The following SLC29A3 variants were observed in gnomAD, a reference collection of about 807,000 sequenced individuals.
The protein encoded by SLC29A3 is solute carrier family 29 member 3.
SLC29A3 carries 18 observed loss-of-function variants against 25.4 expected under a neutral mutation model. That is an observed-to-expected ratio of 0.71 (90% CI 0.49 to 1.05). The LOEUF (loss-of-function observed/expected upper bound fraction) is 1.05. Ranked by LOEUF, SLC29A3 falls within the 50% of genes least tolerant of loss-of-function variation. SLC29A3 has a pLI of 0.00. For synonymous variants in SLC29A3, 258 were observed against 267.1 expected, an observed-to-expected ratio of 0.97 and a Z score of 0.33; for missense variants, 586 against 609.0, an observed-to-expected ratio of 0.96 and a Z score of 0.40.
intron 1 of SLC29A3, 176 bp downstream of exon 1, chr10:71,319,486 G>A: frequency 2.3e-6 from 1 of 430,562 alleles, no homozygotes; most frequent in Non-Finnish European, 4.1e-6. Context: ...CTTGCTCTCT[G>A]CCACCCCTCT....
intron 3 of SLC29A3, among the ~76,000 whole-genome samples, chr10:71,374,521 G>A (rs965486445): frequency 1.4e-4 from 19 of 135,516 alleles, no homozygotes; most frequent in African/African-American, 4.8e-4. Flanking sequence ...CCATGTTGGG[G>A]TGTGTGTGTG....
chr10:71,329,036 G>A (rs572174467), intron 2 of SLC29A3, among the ~76,000 whole-genome samples: 1 of 152,294 alleles, frequency 6.6e-6, no homozygotes, highest in East Asian at 1.9e-4. Flanking sequence ...GGTTATCAGA[G>A]GTTACCAAGT....
intron 3 of SLC29A3, among the ~76,000 whole-genome samples, chr10:71,347,543 A>C (rs1176995116): frequency 6.6e-6 from 1 of 152,240 alleles, no homozygotes; most frequent in African/African-American, 2.4e-5. Flanking sequence ...TGGAAGCAGC[A>C]GAGAGGGAAG....
chr10:71,347,562 C>G (rs1846625240), intron 3 of SLC29A3, among the ~76,000 whole-genome samples: 1 of 152,230 alleles, frequency 6.6e-6, no homozygotes, highest in Non-Finnish European at 1.5e-5. Flanking sequence ...AGCCAGTGTC[C>G]TCTGTTCATG....
At chr10:71,375,795 A>C (rs944411912) in exon 4 of SLC29A3, 7 of 152,204 alleles carry the variant, frequency 4.6e-5, no homozygotes, top group African/African-American at 1.7e-4. Context: ...AAAGCCAAAC[A>C]GATACTCATG....
intron 2 of SLC29A3, among the ~76,000 whole-genome samples, chr10:71,330,024 A>G (rs1026680181): frequency 1.3e-5 from 2 of 152,162 alleles, no homozygotes; most frequent in African/African-American, 4.8e-5. Context: ...CTACAAATGT[A>G]GGTGGTTGGA....
intron 4 of SLC29A3, among the ~76,000 whole-genome samples, chr10:71,379,306 C>T (rs1404102228): frequency 6.6e-6 from 1 of 152,200 alleles, no homozygotes; most frequent in East Asian, 1.9e-4. Context: ...GAATTAGGCC[C>T]CAGCAGACCA....
At chr10:71,370,596 G>C (rs934110929) in intron 3 of SLC29A3, among the ~76,000 whole-genome samples, 10 of 152,124 alleles carry the variant, frequency 6.6e-5, no homozygotes, top group Admixed American at 4.6e-4. Context: ...GTTCGGAAGT[G>C]CAATCATAGC....
At chr10:71,358,949 C>T (rs1340718216) in intron 5 of SLC29A3, among the ~76,000 whole-genome samples, 9 of 152,092 alleles carry the variant, frequency 5.9e-5, no homozygotes, top group African/African-American at 1.2e-4. Context: ...CTCACTCTGT[C>T]GCCCAGGTTG....
intron 1 of SLC29A3, chr10:71,319,736 G>C (rs1845807170): frequency 5.8e-6 from 1 of 173,698 alleles, no homozygotes; most frequent in African/African-American, 2.4e-5. Context: ...CCACAGGTTA[G>C]CCCTACCAGC....
intron 2 of SLC29A3, among the ~76,000 whole-genome samples, chr10:71,326,510 C>T (rs1215696309): frequency 3.3e-5 from 5 of 152,188 alleles, no homozygotes; most frequent in Non-Finnish European, 5.9e-5. Context: ...TTCTGCCAGC[C>T]GTGGTAAATC....
At chr10:71,369,114 G>A (rs1333629741) in intron 3 of SLC29A3, among the ~76,000 whole-genome samples, 1 of 152,230 alleles carries the variant, frequency 6.6e-6, no homozygotes, top group Non-Finnish European at 1.5e-5. Context: ...CCTGTGCCGT[G>A]TGAGAACACA....
At chr10:71,372,929 A>G (rs1442145781) in intron 3 of SLC29A3, among the ~76,000 whole-genome samples, 1 of 152,072 alleles carries the variant, frequency 6.6e-6, no homozygotes, top group East Asian at 1.9e-4. Flanking sequence ...CGGGGGCGAG[A>G]CAGTGAGGCT....
chr10:71,377,589 G>C (rs1847263112), intron 4 of SLC29A3, among the ~76,000 whole-genome samples: 1 of 152,212 alleles, frequency 6.6e-6, no homozygotes, highest in African/African-American at 2.4e-5. Context: ...GCCCAGTAGA[G>C]GGAGCGGAGC....
intron 2 of SLC29A3, among the ~76,000 whole-genome samples, chr10:71,341,491 TGG>T (rs1360474231): frequency 2.0e-5 from 3 of 152,090 alleles, no homozygotes; most frequent in Non-Finnish European, 4.4e-5. Flanking sequence ...TCCTGTCTCT[TGG>T]GGGGTCAAAG....
intron 2 of SLC29A3, among the ~76,000 whole-genome samples, chr10:71,326,215 C>T (rs1002500813): frequency 1.6e-4 from 25 of 152,270 alleles, no homozygotes; most frequent in African/African-American, 5.5e-4. Flanking sequence ...CCACCACACC[C>T]GGCCATCTTT....
intron 2 of SLC29A3, among the ~76,000 whole-genome samples, chr10:71,324,949 G>T (rs1474166659): frequency 6.6e-6 from 1 of 152,202 alleles, no homozygotes; most frequent in Non-Finnish European, 1.5e-5. Flanking sequence ...TGAGAGTCTT[G>T]GTCAGGAGCC....
At chr10:71,348,141 T>A (rs1399739395) in intron 3 of SLC29A3, among the ~76,000 whole-genome samples, 1 of 152,246 alleles carries the variant, frequency 6.6e-6, no homozygotes, top group Non-Finnish European at 1.5e-5. Context: ...TCTCCCTTGC[T>A]TGTCAATTTG....
chr10:71,334,676 G>A (rs945134640), intron 2 of SLC29A3, among the ~76,000 whole-genome samples: 1 of 152,152 alleles, frequency 6.6e-6, no homozygotes, highest in African/African-American at 2.4e-5. Flanking sequence ...AGGAAGAACC[G>A]CCATCGCTGG....
Sources: allele counts gnomAD v4.1 joint callset (sites outside exome capture counted in the v4.1 genomes callset), GRCh38; gene constraint gnomAD v4.1.1; transcripts MANE v1.5; gene names NCBI Gene and HGNC (gene_info 2026-07-23, HGNC 2026-07-21).